ST8SIA1: variants seen among roughly 807,000 people sequenced by gnomAD.
ST8SIA1 encodes ST8 alpha-N-acetyl-neuraminide alpha-2,8-sialyltransferase 1.
A neutral mutation model predicts 35.9 loss-of-function variants in ST8SIA1; 16 were observed. That is an observed-to-expected ratio of 0.45 (90% CI 0.30 to 0.68). ST8SIA1 has a LOEUF of 0.68. Ranked by LOEUF, ST8SIA1 falls within the 30% of genes least tolerant of loss-of-function variation. The pLI, the probability that ST8SIA1 is intolerant of heterozygous loss-of-function variation, is 0.09. For missense variants in ST8SIA1, 383 were observed against 453.6 expected, an observed-to-expected ratio of 0.84 and a Z score of 1.41; for synonymous variants, 170 against 169.6, an observed-to-expected ratio of 1.00 and a Z score of -0.02.
At chr12:22,219,103 T>G (rs1036068456) in intron 4 of ST8SIA1, among the ~76,000 whole-genome samples, 13 of 152,124 alleles carry the variant, frequency 8.5e-5, no homozygotes, top group Admixed American at 2.0e-4. Context: ...CTGATAGAAC[T>G]ATTTGCATTA....
At position 22,213,996 on chromosome 12, in the gene ST8SIA1, G is replaced by A. The variant is rs73265975; in HGVS notation, c.585-11958C>T. Among the ~76,000 whole-genome samples, 572 of 152,242 alleles carry A rather than the reference G, an allele frequency of 3.8e-3. 8 individuals carry two copies. The highest frequency in any genetic ancestry group is 0.012 in the African/African-American group (485 of 41,542). The stretch of plus-strand genomic sequence containing the variant: ...GGATTGAATGGCTTGGATTTCTGGC[G>A]ACTGCTTTCATTGTGATATGTAACA... On this transcript the variant is annotated intron_variant, in intron 4 of 4. Transcript: ENST00000396037.
chr12:22,279,849 A>G (rs555414354), intron 2 of ST8SIA1, among the ~76,000 whole-genome samples: 1 of 152,256 alleles, frequency 6.6e-6, no homozygotes, highest in South Asian at 2.1e-4. Flanking sequence ...CAATCTACTC[A>G]GAAGTTCTGA....
At chr12:22,288,015 G>A (rs1866124224) in intron 1 of ST8SIA1, among the ~76,000 whole-genome samples, 1 of 152,154 alleles carries the variant, frequency 6.6e-6, no homozygotes, top group Admixed American at 6.5e-5. Flanking sequence ...AGTGTCTGAA[G>A]CACCAGCATC....
chr12:22,238,166 C>G (rs564332403), intron 4 of ST8SIA1, among the ~76,000 whole-genome samples: 28 of 152,090 alleles, frequency 1.8e-4, no homozygotes, highest in African/African-American at 6.8e-4. Flanking sequence ...TGAGAACTCC[C>G]CCCCCAACAA....
At chr12:22,303,410 T>C (rs1387303604) in intron 1 of ST8SIA1, among the ~76,000 whole-genome samples, 2 of 152,162 alleles carry the variant, frequency 1.3e-5, no homozygotes, top group African/African-American at 4.8e-5. Context: ...AACTATTTTA[T>C]GATGTCTGAA....
chr12:22,253,070 G>A lies in ST8SIA1; in HGVS notation c.491+2210C>T, dbSNP rs542069875. ...TACATAAACGGTGTTACAATGATAC[G>A]GTATTCATACAGTCATAGATAGAGT... On this transcript the variant is annotated intron_variant, in intron 3 of 4. Transcript: ENST00000396037. Among the ~76,000 whole-genome samples, 10 of 152,230 alleles carry A rather than the reference G, an allele frequency of 6.6e-5. No homozygotes were observed. The East Asian group carries it at 7.7e-4, about 12-fold the overall frequency.
At chr12:22,287,637 A>G (rs892444431) in intron 1 of ST8SIA1, among the ~76,000 whole-genome samples, 1 of 152,206 alleles carries the variant, frequency 6.6e-6, no homozygotes, top group African/African-American at 2.4e-5. Flanking sequence ...AAAGACTTGG[A>G]TAGCTAACTT....
chr12:22,273,496 C>T lies in ST8SIA1; in HGVS notation c.381+13653G>A, dbSNP rs200822133. The stretch of plus-strand genomic sequence containing the variant: ...AGCTGTTTCATCATTCAATGAAACT[C>T]CCCGCCTTGCTCACTCTTCAAATTT... On this transcript the variant is annotated intron_variant, in intron 2 of 4. Transcript: ENST00000396037. Among the ~76,000 whole-genome samples the T allele has an allele frequency of 2.2e-4, 33 of 152,242 alleles. No individual in the cohort carries two copies. The East Asian group carries it at 5.6e-3, about 26-fold the overall frequency.
chr12:22,232,385 G>T (rs1165594747), intron 4 of ST8SIA1, among the ~76,000 whole-genome samples: 1 of 152,072 alleles, frequency 6.6e-6, no homozygotes, highest in East Asian at 1.9e-4. Flanking sequence ...ATAAGCCAAG[G>T]GGGACTCCAA....
intron 4 of ST8SIA1, among the ~76,000 whole-genome samples, chr12:22,240,189 A>G (rs1485067162): frequency 6.6e-6 from 1 of 152,164 alleles, no homozygotes; most frequent in Non-Finnish European, 1.5e-5. Context: ...CCCAAGGTAA[A>G]TAATATTTAT....
chr12:22,323,008 C>A (rs1362001803), intron 1 of ST8SIA1, among the ~76,000 whole-genome samples: 1 of 152,112 alleles, frequency 6.6e-6, no homozygotes, highest in African/African-American at 2.4e-5. Flanking sequence ...TTGCTTAAGT[C>A]CTAGAAGAAA....
At chr12:22,209,521 C>T (rs949783718) in intron 4 of ST8SIA1, among the ~76,000 whole-genome samples, 4 of 152,186 alleles carry the variant, frequency 2.6e-5, no homozygotes, top group Non-Finnish European at 4.4e-5. Context: ...AGAAACAGTA[C>T]ACTTTTATGC....
chr12:22,334,252 G>T lies in ST8SIA1; in HGVS notation c.-20C>A. The T allele has an allele frequency of 5.0e-6, 8 of 1,599,062 alleles. No individual in the cohort carries two copies. Among genetic ancestry groups the T allele is most frequent in the Non-Finnish European group, 6.8e-6 (8 of 1,171,324 alleles). On this transcript the variant is annotated 5_prime_UTR_variant, in exon 1 of 5. Transcript: ENST00000396037. ...GCTCATCGCAGCCCCGGCGTCCCAGGGGCGGGGGCCGGGGCCTCAGCACAA... is the reference window on the plus strand; with the variant it reads ...GCTCATCGCAGCCCCGGCGTCCCAGTGGCGGGGGCCGGGGCCTCAGCACAA...
chr12:22,309,436 G>T (rs994063139), intron 1 of ST8SIA1, among the ~76,000 whole-genome samples: 9 of 152,112 alleles, frequency 5.9e-5, no homozygotes, highest in Non-Finnish European at 1.2e-4. Flanking sequence ...TGACATCAGA[G>T]GGCCAAACAC....
chr12:22,224,562 G>A (rs1865334766), intron 4 of ST8SIA1, among the ~76,000 whole-genome samples: 1 of 152,008 alleles, frequency 6.6e-6, no homozygotes, highest in African/African-American at 2.4e-5. Flanking sequence ...ACTGCGCCTG[G>A]CCTATTTATA....
intron 4 of ST8SIA1, among the ~76,000 whole-genome samples, chr12:22,220,328 GA>G (rs1212363150): frequency 6.6e-6 from 1 of 152,086 alleles, no homozygotes; most frequent in African/African-American, 2.4e-5. Flanking sequence ...GAGAAATTTA[GA>G]AATAAAGATA....
intron 2 of ST8SIA1, among the ~76,000 whole-genome samples, chr12:22,281,748 C>T (rs1038553221): frequency 2.2e-5 from 3 of 139,256 alleles, no homozygotes; most frequent in African/African-American, 8.3e-5. Flanking sequence ...TTTAGGAGGC[C>T]AAGATGGGTG....
At chr12:22,213,294 C>T (rs193054273) in intron 4 of ST8SIA1, among the ~76,000 whole-genome samples, 25 of 152,178 alleles carry the variant, frequency 1.6e-4, no homozygotes, top group African/African-American at 5.8e-4. Context: ...TGATTAAATT[C>T]TTTCTCTACT....
In ST8SIA1 at chr12:22,266,809, G is replaced by C. The variant is rs369622576; in HGVS notation, c.382-11420C>G. ...GAGACCCTGTCTCTTGAAAAAATGT[G>C]TGTACACATACTCACACCCACACAC... On this transcript the variant is annotated intron_variant, in intron 2 of 4. Coordinates refer to ENST00000396037, the MANE Select transcript of ST8SIA1 (RefSeq NM_003034.4). 4.2e-4 allele frequency among the ~76,000 whole-genome samples: 64 copies of C among 150,818 alleles called. 1 individual carries two copies. Among genetic ancestry groups the C allele is most frequent in the African/African-American group, 1.5e-3 (63 of 40,982 alleles).
Sources: gnomAD v4.1 joint callset for allele counts (sites outside exome capture counted in the v4.1 genomes callset) on GRCh38, gnomAD v4.1.1 for gene constraint, MANE v1.5 for transcripts, NCBI Gene and HGNC (gene_info 2026-07-23, HGNC 2026-07-21) for gene names.